Variants in USP9X observed in about 807,000 individuals in gnomAD.
The protein encoded by USP9X is ubiquitin specific peptidase 9 X-linked, also known as ubiquitin carboxyl-terminal hydrolase 9X.
Under a neutral mutation model 190.3 loss-of-function variants are expected in USP9X, and 7 were observed. That is an observed-to-expected ratio of 0.04 (90% confidence interval 0.02 to 0.07). The LOEUF (loss-of-function observed/expected upper bound fraction) is 0.07, where lower values mean the gene tolerates loss of function less well. Ranked by LOEUF, USP9X falls within the 10% of genes least tolerant of loss-of-function variation. USP9X has a pLI of 1.00. For synonymous variants in USP9X, 645 were observed against 659.5 expected (o/e 0.98, Z 0.34); for missense variants, 1,010 against 1,916.9 (o/e 0.53, Z 8.83).
chrX:41,230,662 G>A, intron 44 of USP9X, 66 bp downstream of exon 44: 3 of 929,462 alleles, frequency 3.2e-6, no homozygotes, highest in Non-Finnish European at 4.6e-6. Flanking sequence ...TTTAGAGGAT[G>A]GCTCAATTGT....
rs2062855543 is a variant in USP9X at position 41,184,428 on chromosome X, C to T, written c.3311C>T (p.Ala1104Val). ...VVYALLMPAG[A>V]PLADDSSDFQ... ...TATGCCTTGTTAATGCCTGCTGGTG[C>T]ACCTCTGGCTGATGATTCCTCTGAT... is the stretch of plus-strand genomic sequence containing the variant. The change falls in exon 23 of 45, where the codon GCA becomes GTA. Residue 1104 changes from alanine (A) to valine (V), a missense_variant. Coordinates refer to ENST00000378308, the MANE Select transcript of USP9X (RefSeq NM_001039591.3). 1 of 1,208,776 alleles carries T rather than the reference C, an allele frequency of 8.3e-7. No individual in the cohort carries two copies. The highest frequency in any genetic ancestry group is 1.8e-5 in the African/African-American group (1 of 56,935).
chrX:41,171,092 C>T (rs574716409), intron 20 of USP9X, among the ~76,000 whole-genome samples: 10 of 112,029 alleles, frequency 8.9e-5, no homozygotes, highest in African/African-American at 3.2e-4. Flanking sequence ...TGTAAATGGA[C>T]CTGTGCAGTT....
At chrX:41,145,107 G>C (rs2062453644) in intron 11 of USP9X, among the ~76,000 whole-genome samples, 1 of 111,806 alleles carries the variant, frequency 8.9e-6, no homozygotes, top group African/African-American at 3.2e-5. Flanking sequence ...TCTTTGATTA[G>C]TTGCCAGGGT....
At chrX:41,176,952 G>A (rs1272029737) in intron 21 of USP9X, among the ~76,000 whole-genome samples, 1 of 111,820 alleles carries the variant, frequency 8.9e-6, no homozygotes, top group African/African-American at 3.3e-5. Flanking sequence ...TTTTTAACTA[G>A]CTTTTTATAT....
Position 41,153,071 on chromosome X carries a change from A to G in USP9X, c.1887A>G (p.Leu629=), listed in dbSNP as rs1277675996. 5.8e-6 allele frequency: 7 copies of G among 1,205,697 alleles called. No homozygotes were observed. The highest frequency in any genetic ancestry group is 5.3e-5 in the African/African-American group (3 of 57,128). The change falls in exon 14 of 45, where the codon CTA becomes CTG. Residue 629 remains leucine, a synonymous_variant. Coordinates refer to ENST00000378308, the MANE Select transcript of USP9X (RefSeq NM_001039591.3). The part of the protein sequence containing the change: ...NLATYMESMR[L]YARDHEDYDP... Reference sequence around the variant, plus strand: ...CAACTTACATGGAAAGCATGAGACTATATGCTAGAGGTATGTATTGTAAGC... The same window carrying G: ...CAACTTACATGGAAAGCATGAGACTGTATGCTAGAGGTATGTATTGTAAGC...
intron 26 of USP9X, among the ~76,000 whole-genome samples, chrX:41,192,528 C>G (rs2062946448): frequency 8.9e-6 from 1 of 111,786 alleles, no homozygotes; most frequent in African/African-American, 3.3e-5. Flanking sequence ...CTTTGCCACT[C>G]CTGGGATAGT....
At chrX:41,217,471 G>GTTTTTATTTATT in intron 36 of USP9X, 128 bp downstream of exon 36, 2 of 766,655 alleles carry the variant, frequency 2.6e-6, no homozygotes, top group East Asian at 7.0e-5. Flanking sequence ...AAAACTCTGG[G>GTTTTTATTTATT]TCACAATAGA....
chrX:41,197,341 A>AAGG, intron 28 of USP9X, 23 bp from the exon 29 acceptor site: 2 of 288,797 alleles, frequency 6.9e-6, no homozygotes, highest in Non-Finnish European at 1.0e-5. Flanking sequence ...TCCCCCCCCC[A>AAGG]CCCCACCCCC....
At position 41,205,633 on chromosome X, in the gene USP9X, GT is replaced by G. The variant is rs372217330; in HGVS notation, c.5015+157del. 0.21 allele frequency: 63,427 copies of G among 300,332 alleles called. 978 individuals carry two copies. The highest frequency in any genetic ancestry group is 0.29 in the East Asian group (4,426 of 15,164). The allele number at this position is 300,332 out of a possible 1,213,427, so 24.8% of individuals were successfully genotyped here. A position where few individuals can be genotyped will look rare whatever the true frequency, so the allele number is the denominator to read the frequency against. The stretch of plus-strand genomic sequence containing the variant: ...ATTCAAACTGTCCTTAATTGGGTGG[GT>G]TTTTTTTTTTTTTTTTAGGTCCCCT... On this transcript the variant is annotated intron_variant, in intron 32 of 44. Transcript: ENST00000378308.
intron 15 of USP9X, among the ~76,000 whole-genome samples, chrX:41,164,415 A>G (rs892175450): frequency 1.8e-5 from 2 of 109,819 alleles, no homozygotes; most frequent in African/African-American, 6.7e-5. Context: ...CCCCACATTG[A>G]GAGTTACTGC....
rs770047735 is a variant in USP9X at position 41,184,180 on chromosome X, AATTT to A, written c.3279+56_3279+59del. The stretch of plus-strand genomic sequence containing the variant: ...GTTGTTTTCTTTGTTTTTCCTTTTA[AATTT>A]ATTCTGTGTTCTTTAAATTTGACCT... On this transcript the variant is annotated intron_variant, in intron 22 of 44. Transcript: ENST00000378308. 7 of 1,136,942 alleles carry A rather than the reference AATTT, an allele frequency of 6.2e-6. No homozygotes were observed. The African/African-American group carries it at 1.1e-4, about 18-fold the overall frequency. 93.7% of individuals were successfully genotyped at this position (1,136,942 alleles called of 1,213,427 possible). A position where few individuals can be genotyped will look rare whatever the true frequency, so the allele number is the denominator to read the frequency against.
intron 1 of USP9X, among the ~76,000 whole-genome samples, chrX:41,094,974 A>G (rs1170592590): frequency 2.8e-5 from 3 of 107,872 alleles, no homozygotes; most frequent in Non-Finnish European, 5.8e-5. Flanking sequence ...CAGGAGGTGG[A>G]GGTTGCAGTG....
Position 41,168,000 on chromosome X carries a change from T to C in USP9X, c.2425-7T>C, listed in dbSNP as rs771517849. 5 of 1,189,405 alleles carry C rather than the reference T, an allele frequency of 4.2e-6. No individual in the cohort carries two copies. The highest frequency in any genetic ancestry group is 6.0e-5 in the East Asian group (2 of 33,290). On this transcript the variant is annotated splice_region_variant and splice_polypyrimidine_tract_variant and intron_variant, in intron 17 of 44. Transcript: ENST00000378308. The stretch of plus-strand genomic sequence containing the variant: ...TTAACTGTGTTTATTTGGCCTGATA[T>C]TTGTAGGTGGTGATCCATGAAGACT...
intron 26 of USP9X, 30 bp downstream of exon 26, chrX:41,189,505 T>TA: frequency 8.7e-7 from 1 of 1,145,015 alleles, no homozygotes; most frequent in Non-Finnish European, 1.2e-6. Context: ...GTAAGAAACT[T>TA]ACTTTTTGTA....
In USP9X at chrX:41,226,764, G is replaced by GA. The variant is rs775676413; in HGVS notation, c.7061+1630dup. 3.6e-5 allele frequency among the ~76,000 whole-genome samples: 4 copies of GA among 111,895 alleles called. No homozygotes were observed. In the East Asian group the frequency reaches 1.1e-3, roughly 31 times the overall value. ...CCTTCTAAATATGTTCATAGGATTTGAAAGCTTCCTTCAGAGTAGATTTTA... is the reference window on the plus strand; with the variant it reads ...CCTTCTAAATATGTTCATAGGATTTGAAAAGCTTCCTTCAGAGTAGATTTTA... On this transcript the variant is annotated intron_variant, in intron 41 of 44. Coordinates refer to ENST00000378308, the MANE Select transcript of USP9X (RefSeq NM_001039591.3).
chrX:41,134,202 T>A (rs959936085), intron 4 of USP9X, among the ~76,000 whole-genome samples: 2 of 112,306 alleles, frequency 1.8e-5, no homozygotes, highest in African/African-American at 6.5e-5. Flanking sequence ...ATAGTTTTTA[T>A]TTGGTCATTA....
At chrX:41,191,845 T>C (rs2062938193) in intron 26 of USP9X, among the ~76,000 whole-genome samples, 1 of 112,055 alleles carries the variant, frequency 8.9e-6, no homozygotes, top group Non-Finnish European at 1.9e-5. Flanking sequence ...AGTGAAGGTT[T>C]TGTGCAGGAT....
chrX:41,166,264 T>C lies in USP9X; in HGVS notation c.2328+50T>C, dbSNP rs757936486. 3.3e-6 allele frequency: 3 copies of C among 908,182 alleles called. No individual in the cohort carries two copies. In the African/African-American group the frequency reaches 6.0e-5, roughly 18 times the overall value. 74.8% of individuals were successfully genotyped at this position (908,182 alleles called of 1,213,427 possible). The stretch of plus-strand genomic sequence containing the variant: ...AAATGGTGTCTGATGTACTTTTTCA[T>C]GTACGTAAGGAATTGTAATTTTGCA... On this transcript the variant is annotated intron_variant, in intron 16 of 44. Coordinates refer to ENST00000378308, the MANE Select transcript of USP9X (RefSeq NM_001039591.3).
intron 1 of USP9X, among the ~76,000 whole-genome samples, chrX:41,108,402 C>T (rs772001650): frequency 9.0e-6 from 1 of 111,581 alleles, no homozygotes; most frequent in Non-Finnish European, 1.9e-5. Flanking sequence ...GTTAAATTCT[C>T]ATGCTTTCCA....
Sources: allele counts gnomAD v4.1 joint callset (sites outside exome capture counted in the v4.1 genomes callset), GRCh38; gene constraint gnomAD v4.1.1; transcripts MANE v1.5; gene names NCBI Gene and HGNC (gene_info 2026-07-23, HGNC 2026-07-21).